The following ZNF749 variants were observed in gnomAD, a reference collection of about 807,000 sequenced individuals.
The protein encoded by ZNF749 is zinc finger protein 749.
A neutral mutation model predicts 7.3 loss-of-function variants in ZNF749; 8 were observed. That is an observed-to-expected ratio of 1.10 (90% CI 0.64 to 1.98). The LOEUF (loss-of-function observed/expected upper bound fraction) is 1.98, where lower values mean the gene tolerates loss of function less well. Among genes scored for constraint, ZNF749 ranks in the 30% most tolerant of loss-of-function variants. The probability of loss-of-function intolerance (pLI) is 0.00; values close to 1 mark genes in which losing one functional copy is unlikely to be tolerated. For synonymous variants in ZNF749, 310 were observed against 322.4 expected, an observed-to-expected ratio of 0.96 and a Z score of 0.41; for missense variants, 898 against 932.4, an observed-to-expected ratio of 0.96 and a Z score of 0.48.
rs970223565 is a variant in ZNF749, at chr19:57,436,544, C to T, written c.15+951C>T. Among the ~76,000 whole-genome samples the T allele has an allele frequency of 2.0e-5, 3 of 152,118 alleles. No homozygotes were observed. The highest frequency in any genetic ancestry group is 4.4e-5 in the Non-Finnish European group (3 of 68,022). Reference sequence around the variant, plus strand: ...AGAGGCCTGGATGGATAAGGAGTTGCCCTGGAATACAGAGACTGAGGCATG... The same window carrying T: ...AGAGGCCTGGATGGATAAGGAGTTGTCCTGGAATACAGAGACTGAGGCATG... On this transcript the variant is annotated intron_variant, in intron 1 of 2. Coordinates refer to ENST00000334181, the MANE Select transcript of ZNF749 (RefSeq NM_001023561.4). This position sits in a 1 kb window ranked among gnomAD's most constrained non-coding sequence, Gnocchi z 4.0.
At chr19:57,441,591 G>A (rs920745065) in intron 1 of ZNF749, among the ~76,000 whole-genome samples, 3 of 152,062 alleles carry the variant, frequency 2.0e-5, no homozygotes, top group African/African-American at 7.2e-5. Flanking sequence ...AGGCATGCAG[G>A]GTGGGATGAG....
intron 2 of ZNF749, among the ~76,000 whole-genome samples, chr19:57,443,008 T>C (rs1057218454): frequency 6.6e-6 from 1 of 152,222 alleles, no homozygotes; most frequent in Non-Finnish European, 1.5e-5. Context: ...GACACAACCG[T>C]CATGGCCTGT....
At position 57,439,092 on chromosome 19, in the gene ZNF749, A is replaced by G. The variant is rs2088963108; in HGVS notation, c.16-2793A>G. On this transcript the variant is annotated intron_variant, in intron 1 of 2. Transcript: ENST00000334181. This position sits in a 1 kb window ranked among gnomAD's most constrained non-coding sequence, Gnocchi z 4.3. ...GAAGGTTTGAGGAGGGGGGAAAAAG[A>G]GGTGACCTGACCCAGGTTTTAGTGG... Among the ~76,000 whole-genome samples the G allele has an allele frequency of 6.6e-6, 1 of 152,100 alleles. No individual in the cohort carries two copies. The highest frequency in any genetic ancestry group is 1.5e-5 in the Non-Finnish European group (1 of 68,004).
rs1401387972 is a variant in ZNF749 at position 57,442,576 on chromosome 19, A to G, written c.142+565A>G. Among the ~76,000 whole-genome samples, 1 of 152,060 alleles carries G rather than the reference A, an allele frequency of 6.6e-6. No individual in the cohort carries two copies. Among genetic ancestry groups the G allele is most frequent in the Non-Finnish European group, 1.5e-5 (1 of 68,006 alleles). ...TTATGCCGCAGCTAGATAGTTGCTC[A>G]CCTTGAGCAAGGGGGAGGTCTCTGG... On this transcript the variant is annotated intron_variant, in intron 2 of 2. Transcript: ENST00000334181. The surrounding 1 kb of genome is among the most constrained non-coding windows in gnomAD (Gnocchi z 6.6).
At chr19:57,432,634 G>C (rs1398719672), upstream of ZNF749, among the ~76,000 whole-genome samples, 1 of 145,668 alleles carries the variant, frequency 6.9e-6, no homozygotes, top group African/African-American at 2.5e-5. Context: ...CCAGTGCAAA[G>C]ACAGTAGTGT....
At chr19:57,443,182 G>A in intron 2 of ZNF749, 109 bp from the exon 3 acceptor site, 2 of 943,756 alleles carry the variant, frequency 2.1e-6, no homozygotes, top group Non-Finnish European at 3.2e-6. Context: ...CCTTGCCTGT[G>A]ACCAGTCCTG....
At chr19:57,437,621 G>C (rs1225326319) in intron 1 of ZNF749, among the ~76,000 whole-genome samples, 1 of 151,814 alleles carries the variant, frequency 6.6e-6, no homozygotes, top group African/African-American at 2.4e-5. Context: ...CTACTTAGGA[G>C]GCTGAGGCAG....
chr19:57,435,198 A>T (rs1479968113), upstream of ZNF749: 4 of 352,920 alleles, frequency 1.1e-5, no homozygotes, highest in Non-Finnish European at 1.6e-5. Context: ...CCCAGAAGAC[A>T]CTGCGGGCGA....
chr19:57,432,772 G>A (rs942439801), upstream of ZNF749, among the ~76,000 whole-genome samples: 5 of 152,096 alleles, frequency 3.3e-5, no homozygotes, highest in Non-Finnish European at 7.4e-5. Flanking sequence ...CAGGTTAGAC[G>A]TTATTTCACT....
In ZNF749 at chr19:57,444,666, T is replaced by C. The variant is rs2089038585; in HGVS notation, c.1518T>C (p.Thr506=). 1 of 1,613,548 alleles carries C rather than the reference T, an allele frequency of 6.2e-7. No homozygotes were observed. The highest frequency in any genetic ancestry group is 1.1e-5 in the South Asian group (1 of 91,054). ...TGGTTGGTCACCAGAAAATCCATAC[T>C]GGAGAACGGCCTTATGAATGCACTC... ...AHLVGHQKIH[T]GERPYECTQC... The change falls in exon 3 of 3, where the codon ACT becomes ACC. Residue 506 remains threonine, a synonymous_variant. Transcript: ENST00000334181.
chr19:57,433,160 G>A (rs1442483765), upstream of ZNF749, among the ~76,000 whole-genome samples: 1 of 149,592 alleles, frequency 6.7e-6, no homozygotes, highest in East Asian at 2.0e-4. Context: ...GTGTGAAGGG[G>A]TTATTTAGAA....
Position 57,444,400 on chromosome 19 carries a change from G to C in ZNF749, c.1252G>C (p.Ala418Pro), listed in dbSNP as rs760120463. ...RLYKCSECGK[A>P]FSLKHNVVQH... The stretch of plus-strand genomic sequence containing the variant: ...TTATAAGTGTAGCGAATGTGGGAAA[G>C]CCTTTAGCCTCAAACATAATGTTGT... The change falls in exon 3 of 3, where the codon GCC (alanine) becomes CCC (proline). Residue 418 changes from alanine (A) to proline (P), a missense_variant. Transcript: ENST00000334181. 1.2e-6 allele frequency: 2 copies of C among 1,613,910 alleles called. No individual in the cohort carries two copies. The highest frequency in any genetic ancestry group is 3.3e-5 in the Admixed American group (2 of 60,002).
upstream of ZNF749, among the ~76,000 whole-genome samples, chr19:57,434,466 T>C (rs2088915669): frequency 1.3e-5 from 2 of 152,160 alleles, no homozygotes; most frequent in Admixed American, 1.3e-4. Context: ...TTTCAACCAA[T>C]TGCCAATCGG....
chr19:57,439,780 A>G lies in ZNF749; in HGVS notation c.16-2105A>G, dbSNP rs1600103182. On this transcript the variant is annotated intron_variant, in intron 1 of 2. Coordinates refer to ENST00000334181, the MANE Select transcript of ZNF749 (RefSeq NM_001023561.4). The surrounding 1 kb of genome is among the most constrained non-coding windows in gnomAD (Gnocchi z 4.3). ...AAACAAAAATCCAAGCCAAAACAAA[A>G]ACAAAAATACACAAAAAATGTTTCA... is the stretch of plus-strand genomic sequence containing the variant. Among the ~76,000 whole-genome samples, 1 of 152,124 alleles carries G rather than the reference A, an allele frequency of 6.6e-6. No homozygotes were observed. Among genetic ancestry groups the G allele is most frequent in the Non-Finnish European group, 1.5e-5 (1 of 68,018 alleles).
chr19:57,435,349 G>T lies in ZNF749; in HGVS notation c.-230G>T. 1 of 629,790 alleles carries T rather than the reference G, an allele frequency of 1.6e-6. No individual in the cohort carries two copies. The highest frequency in any genetic ancestry group is 2.8e-6 in the Non-Finnish European group (1 of 362,684). 39.0% of individuals were successfully genotyped at this position (629,790 alleles called of 1,614,324 possible). A position where few individuals can be genotyped will look rare whatever the true frequency, so the allele number is the denominator to read the frequency against. ...GACTTCTGGCGGCGCCCTCATGGTT[G>T]CGTTAGCATGGCTACCTAGGGATCT... On this transcript the variant is annotated 5_prime_UTR_variant, in exon 1 of 3. Transcript: ENST00000334181.
upstream of ZNF749, among the ~76,000 whole-genome samples, chr19:57,434,989 T>C (rs1156515290): frequency 6.6e-6 from 1 of 152,240 alleles, no homozygotes; most frequent in African/African-American, 2.4e-5. Flanking sequence ...CTCTGAAATA[T>C]TTCTCAGACT....
At position 57,445,076 on chromosome 19, in the gene ZNF749, G is replaced by A; in HGVS notation, c.1928G>A (p.Ser643Asn). 6.2e-7 allele frequency: 1 copy of A among 1,613,836 alleles called. No homozygotes were observed. Among genetic ancestry groups the A allele is most frequent in the African/African-American group, 1.3e-5 (1 of 75,004 alleles). The change falls in exon 3 of 3, where the codon AGT (serine) becomes AAT (asparagine). Residue 643 changes from serine (S) to asparagine (N), a missense_variant. Transcript: ENST00000334181. ...ACTGGAGAAAGACCTTATGAGTGTA[G>A]TGAATGTGGGAAATTTTTTAGAGAT... ...VHTGERPYEC[S>N]ECGKFFRDSY...
chr19:57,440,797 CA>C (rs2088979812), intron 1 of ZNF749, among the ~76,000 whole-genome samples: 1 of 152,040 alleles, frequency 6.6e-6, no homozygotes, highest in South Asian at 2.1e-4. Context: ...GTCTGGGAGG[CA>C]AGATCTGGAG....
rs779289053 is a variant in ZNF749 at position 57,443,290 on chromosome 19, G to A, written c.143-1G>A. 14 of 1,592,480 alleles carry A rather than the reference G, an allele frequency of 8.8e-6. No homozygotes were observed. The South Asian group carries it at 1.6e-4, about 18-fold the overall frequency. On this transcript the variant is annotated splice_acceptor_variant, in intron 2 of 2. Transcript: ENST00000334181. LOFTEE classifies it high-confidence loss of function. ...CTTCACCAGCATTTCTGTTCTTACAGGTTGTTGGCATGGAGCCAAGGATGA... is the reference window on the plus strand; with the variant it reads ...CTTCACCAGCATTTCTGTTCTTACAAGTTGTTGGCATGGAGCCAAGGATGA...
Sources: gnomAD v4.1 joint callset for allele counts (sites outside exome capture counted in the v4.1 genomes callset) on GRCh38, gnomAD v4.1.1 for gene constraint, Gnocchi (gnomAD v3.1) non-coding constraint, MANE v1.5 for transcripts, NCBI Gene and HGNC (gene_info 2026-07-23, HGNC 2026-07-21) for gene names.